Variants in EML2 observed in about 807,000 individuals in gnomAD.
The protein encoded by EML2 is echinoderm microtubule-associated protein-like 2.
Under a neutral mutation model 84.7 loss-of-function variants are expected in EML2, and 59 were observed. That is an observed-to-expected ratio of 0.70 (90% CI 0.56 to 0.86). EML2 has a LOEUF of 0.86. Ranked by LOEUF, EML2 falls within the 40% of genes least tolerant of loss-of-function variation. The pLI, the probability that EML2 is intolerant of heterozygous loss-of-function variation, is 0.00. For synonymous variants in EML2, 352 were observed against 348.9 expected, an observed-to-expected ratio of 1.01 and a Z score of -0.10; for missense variants, 818 against 855.6, an observed-to-expected ratio of 0.96 and a Z score of 0.55.
chr19:45,626,849 G>A lies in EML2; in HGVS notation c.607-10C>T, dbSNP rs924482892. 1.9e-5 allele frequency: 31 copies of A among 1,603,966 alleles called. No homozygotes were observed. Among genetic ancestry groups the A allele is most frequent in the Non-Finnish European group, 2.6e-5 (30 of 1,174,620 alleles). The stretch of plus-strand genomic sequence containing the variant: ...CAGCCTCATTGGAGCACTTTGGGGG[G>A]TGGGGGAGATTCTGAATGAGGACCT... On this transcript the variant is annotated splice_polypyrimidine_tract_variant and intron_variant, in intron 7 of 18. Transcript: ENST00000245925.
At chr19:45,630,211 GCAATATAGGGAGAC>G (rs1399567457) in intron 6 of EML2, among the ~76,000 whole-genome samples, 165 bp from the exon 7 acceptor site, 3 of 151,852 alleles carry the variant, frequency 2.0e-5, no homozygotes, top group Non-Finnish European at 4.4e-5. Context: ...GCCAGCATAG[GCAATATAGGGAGAC>G]CCTGTCTCTT....
At position 45,619,186 on chromosome 19, in the gene EML2, A is replaced by G. The variant is rs754100741; in HGVS notation, c.1128T>C (p.His376=). Residue 376 remains histidine (H), a synonymous_variant, in exon 12 of 19, where the codon CAT becomes CAC. Coordinates refer to ENST00000245925, the MANE Select transcript of EML2 (RefSeq NM_012155.4). ...HTGFSLLVQG[H]VEELWGLATH... Reference sequence around the variant, plus strand: ...TGGCCAGGCCCCACAGCTCTTCCACATGGCCCTGGTGGAAAGGGAGGACAG... The same window carrying G: ...TGGCCAGGCCCCACAGCTCTTCCACGTGGCCCTGGTGGAAAGGGAGGACAG... 3.1e-6 allele frequency: 5 copies of G among 1,610,338 alleles called. No individual in the cohort carries two copies. The highest frequency in any genetic ancestry group is 2.2e-5 in the East Asian group (1 of 44,844).
chr19:45,630,163 C>T lies in EML2; in HGVS notation c.511-117G>A, dbSNP rs1180206556. 8 of 718,934 alleles carry T rather than the reference C, an allele frequency of 1.1e-5. No homozygotes were observed. In the East Asian group the frequency reaches 1.6e-4, roughly 15 times the overall value. 44.5% of individuals were successfully genotyped at this position (718,934 alleles called of 1,614,324 possible). A position where few individuals can be genotyped will look rare whatever the true frequency, so the allele number is the denominator to read the frequency against. On this transcript the variant is annotated intron_variant, in intron 6 of 18. Transcript: ENST00000245925. ...TGTTTTAAAACCTTCAGGCTGGGCACAGTAGGTGGGAGGATCGCTTGAGTC... is the reference window on the plus strand; with the variant it reads ...TGTTTTAAAACCTTCAGGCTGGGCATAGTAGGTGGGAGGATCGCTTGAGTC...
rs776441837 is a variant in EML2, at chr19:45,619,151, CTG to C, written c.1161_1162del (p.Arg389GlyfsTer10). ...CCCGCAGGTCACAAACTGGGCCCGA[CTG>C]GGGTGTGTGGCCAGGCCCCACAGCT... On this transcript the variant is annotated frameshift_variant, in exon 12 of 19. Coordinates refer to ENST00000245925, the MANE Select transcript of EML2 (RefSeq NM_012155.4). LOFTEE classifies it high-confidence loss of function. 4.0e-5 allele frequency: 65 copies of C among 1,612,032 alleles called. No homozygotes were observed. Among genetic ancestry groups the C allele is most frequent in the Middle Eastern group, 2.0e-4 (1 of 5,036 alleles).
rs149432784 is a variant in EML2, at chr19:45,609,703, C to A, written c.1910G>T (p.Gly637Val). The part of the protein sequence containing the change: ...LWDDSMALTT[G>V]GKDTSVLQWR... ...CTGTAGCACACTGGTGTCCTTGCCC[C>A]CTGTGGTCAGGGCCATGCTGTCATC... The change falls in exon 19 of 19, where the codon GGG (glycine) becomes GTG (valine). Residue 637 changes from glycine (G) to valine (V), a missense_variant. By Grantham distance (109) the Gly-to-Val change is moderately radical. Transcript: ENST00000245925. 3 of 1,613,362 alleles carry A rather than the reference C, an allele frequency of 1.9e-6. No individual in the cohort carries two copies. Among genetic ancestry groups the A allele is most frequent in the African/African-American group, 1.3e-5 (1 of 74,842 alleles).
upstream of EML2, chr19:45,641,318 C>T (rs1367032413): frequency 3.6e-6 from 1 of 279,512 alleles, no homozygotes; most frequent in Non-Finnish European, 7.0e-6. Flanking sequence ...GACTTCATCC[C>T]TGAAACTCAA....
chr19:45,645,294 A>G, upstream of EML2: 1 of 1,533,870 alleles, frequency 6.5e-7, no homozygotes, highest in African/African-American at 1.4e-5. Context: ...CGCAGCAGCG[A>G]GGACGTGTCG....
chr19:45,631,443 G>C (rs1351114197), intron 6 of EML2, among the ~76,000 whole-genome samples: 1 of 151,984 alleles, frequency 6.6e-6, no homozygotes. Flanking sequence ...TTTTGAGACA[G>C]AGTCTCACTC....
At chr19:45,621,454 C>T (rs756002023) in intron 10 of EML2, 29 bp downstream of exon 10, 1 of 1,601,278 alleles carries the variant, frequency 6.2e-7, no homozygotes, top group East Asian at 2.2e-5. Context: ...GCCTCTCTAC[C>T]CCCATCTGAG....
At chr19:45,637,199 C>G (rs1030574709) in intron 3 of EML2, among the ~76,000 whole-genome samples, 2 of 152,182 alleles carry the variant, frequency 1.3e-5, no homozygotes, top group African/African-American at 2.4e-5. Flanking sequence ...AAGAGGAAAC[C>G]AAGGCCCAGA....
At chr19:45,641,670 G>A, upstream of EML2, 1 of 1,536,172 alleles carries the variant, frequency 6.5e-7, no homozygotes. Context: ...AGTTGCTGCT[G>A]GAGGATGTGG....
At position 45,616,501 on chromosome 19, in the gene EML2, T is replaced by C; in HGVS notation, c.1469A>G (p.Asp490Gly). ...GCGGCTGACCTTGCGGCCGCCCTGG[T>C]CCACCGTGTACACGTACACCAAGTT... The part of the protein sequence containing the change: ...HDNLVYVYTV[D>G]QGGRKVSRLG... Residue 490 changes from aspartate to glycine, a missense_variant, in exon 15 of 19, where the codon GAC (aspartate) becomes GGC (glycine). Asp to Gly is a moderately conservative substitution (Grantham distance 94, BLOSUM62 -1). Transcript: ENST00000245925. 6.2e-7 allele frequency: 1 copy of C among 1,602,570 alleles called. No homozygotes were observed. The highest frequency in any genetic ancestry group is 1.7e-4 in the Middle Eastern group (1 of 6,034).
chr19:45,639,271 TG>T, intron 1 of EML2, 85 bp downstream of exon 1: 1 of 1,277,154 alleles, frequency 7.8e-7, no homozygotes, highest in South Asian at 2.0e-5. Flanking sequence ...CACGCCGGTC[TG>T]GGTCCCAGGG....
chr19:45,627,256 C>CTTT (rs72487266), intron 7 of EML2, among the ~76,000 whole-genome samples: 1 of 135,622 alleles, frequency 7.4e-6, no homozygotes, highest in African/African-American at 2.7e-5. Flanking sequence ...TGCGCCCGGC[C>CTTT]TTTTTTTTTT....
intron 18 of EML2, among the ~76,000 whole-genome samples, chr19:45,611,265 G>A (rs552481588): frequency 1.3e-5 from 2 of 151,946 alleles, no homozygotes; most frequent in Non-Finnish European, 2.9e-5. Context: ...TACAAAATTA[G>A]CCGGGCATGG....
chr19:45,624,224 ATAGT>A (rs1268482189), intron 9 of EML2, among the ~76,000 whole-genome samples: 3 of 152,220 alleles, frequency 2.0e-5, no homozygotes, highest in African/African-American at 7.2e-5. Context: ...ATTCACTAAC[ATAGT>A]TAGCCATTAG....
intron 12 of EML2, among the ~76,000 whole-genome samples, chr19:45,617,990 T>G (rs980291956): frequency 6.6e-6 from 1 of 152,206 alleles, no homozygotes; most frequent in Non-Finnish European, 1.5e-5. Context: ...TTTAGATAAT[T>G]TCCTAGATGT....
intron 16 of EML2, 143 bp downstream of exon 16, chr19:45,615,659 C>A (rs1970967825): frequency 6.0e-6 from 4 of 669,276 alleles, no homozygotes; most frequent in Non-Finnish European, 7.9e-6. Context: ...AAATGAGAAG[C>A]CAGCGGTCCC....
At chr19:45,639,426 C>A (rs924909568), upstream of EML2, 86 of 1,246,814 alleles carry the variant, frequency 6.9e-5, no homozygotes, top group Non-Finnish European at 8.1e-5. Flanking sequence ...GGGACCGGCT[C>A]TGCCGCTTCC....
Sources: allele counts gnomAD v4.1 joint callset (sites outside exome capture counted in the v4.1 genomes callset), GRCh38; gene constraint gnomAD v4.1.1; transcripts MANE v1.5; gene names NCBI Gene and HGNC (gene_info 2026-07-23, HGNC 2026-07-21).